SEM1: variants seen among roughly 807,000 people sequenced by gnomAD.
SEM1 encodes 26S proteasome complex subunit SEM1.
SEM1 carries 3 observed loss-of-function variants against 12.7 expected under a neutral mutation model. The observed-to-expected ratio is 0.24, with a 90% CI of 0.11 to 0.61. The LOEUF is 0.61. Ranked by LOEUF, SEM1 falls within the 20% of genes least tolerant of loss-of-function variation. SEM1 has a pLI of 0.88. For synonymous variants in SEM1, 30 were observed against 27.8 expected, an observed-to-expected ratio of 1.08 and a Z score of -0.25; for missense variants, 59 against 81.3, an observed-to-expected ratio of 0.73 and a Z score of 1.06.
intron 2 of SEM1, among the ~76,000 whole-genome samples, chr7:96,643,507 T>A (rs1267042824): frequency 3.3e-5 from 5 of 152,070 alleles, no homozygotes; most frequent in Non-Finnish European, 7.4e-5. Context: ...CATGCACACG[T>A]ATGTTTACTG....
intron 2 of SEM1, among the ~76,000 whole-genome samples, chr7:96,531,429 C>CA (rs57949407): frequency 0.094 from 13,676 of 146,252 alleles, 1,621 homozygotes; most frequent in African/African-American, 0.28. Context: ...AAAAAAACAA[C>CA]AAAAAAAAAC....
At chr7:96,509,320 T>C (rs943941122) in intron 2 of SEM1, among the ~76,000 whole-genome samples, 10 of 151,926 alleles carry the variant, frequency 6.6e-5, no homozygotes, top group African/African-American at 2.4e-4. Context: ...GACGCAATCT[T>C]TATTATCATC....
chr7:96,660,646 A>G (rs964553672), intron 2 of SEM1, among the ~76,000 whole-genome samples: 2 of 152,152 alleles, frequency 1.3e-5, no homozygotes, highest in Non-Finnish European at 2.9e-5. Flanking sequence ...ATTTCATCCA[A>G]TGATCTAGTG....
intron 1 of SEM1, among the ~76,000 whole-genome samples, chr7:96,486,869 T>A (rs1407377813): frequency 6.6e-6 from 1 of 152,086 alleles, no homozygotes. Context: ...ACACCAAATA[T>A]CCCAATGAAG....
chr7:96,483,747 T>A, exon 4 of SEM1: 3 of 1,373,574 alleles, frequency 2.2e-6, no homozygotes, highest in Non-Finnish European at 2.0e-6. Context: ...GAAGTATAGT[T>A]CTACCATGTG....
intron 2 of SEM1, among the ~76,000 whole-genome samples, chr7:96,605,953 C>A (rs1209609411): frequency 6.6e-6 from 1 of 152,170 alleles, no homozygotes; most frequent in Non-Finnish European, 1.5e-5. Flanking sequence ...GTACATGCTA[C>A]CCTTCCGCTA....
chr7:96,525,743 C>T (rs542917676), intron 2 of SEM1, among the ~76,000 whole-genome samples: 1 of 152,288 alleles, frequency 6.6e-6, no homozygotes, highest in African/African-American at 2.4e-5. Context: ...ACTGCCTGAG[C>T]TCTACCTCCT....
intron 2 of SEM1, among the ~76,000 whole-genome samples, chr7:96,541,944 CTTT>C (rs34050482): frequency 6.5e-5 from 6 of 92,414 alleles, no homozygotes; most frequent in South Asian, 4.0e-4. Context: ...GCCTATGTGT[CTTT>C]TTTTTTTTTT....
chr7:96,678,644 A>G (rs1789515946), intron 2 of SEM1, among the ~76,000 whole-genome samples: 1 of 152,118 alleles, frequency 6.6e-6, no homozygotes, highest in Non-Finnish European at 1.5e-5. Flanking sequence ...CCTCATACTC[A>G]CACCCTTTCC....
intron 2 of SEM1, among the ~76,000 whole-genome samples, chr7:96,564,269 T>C (rs984907490): frequency 4.6e-5 from 7 of 152,032 alleles, no homozygotes; most frequent in African/African-American, 1.7e-4. Flanking sequence ...ATCTTACGAT[T>C]TTATAAATCA....
At chr7:96,705,395 G>A (rs1790420150) in intron 1 of SEM1, among the ~76,000 whole-genome samples, 1 of 149,738 alleles carries the variant, frequency 6.7e-6, no homozygotes. Flanking sequence ...TTCTGGCACA[G>A]GAAGAGAATA....
chr7:96,645,987 C>G (rs1361540795), intron 2 of SEM1: 2 of 397,254 alleles, frequency 5.0e-6, no homozygotes, highest in East Asian at 7.1e-5. Flanking sequence ...TGTATAGTTT[C>G]TTTCATACAT....
intron 2 of SEM1, among the ~76,000 whole-genome samples, chr7:96,690,120 T>C (rs1223455064): frequency 6.6e-6 from 1 of 152,204 alleles, no homozygotes; most frequent in African/African-American, 2.4e-5. Flanking sequence ...CTTGAGGGAA[T>C]GTGGTAACTG....
At chr7:96,515,807 A>C (rs568536291) in intron 2 of SEM1, among the ~76,000 whole-genome samples, 1 of 152,126 alleles carries the variant, frequency 6.6e-6, no homozygotes, top group East Asian at 1.9e-4. Context: ...GTTCTCACTC[A>C]TAAGTAGGAG....
chr7:96,594,297 C>T (rs1459233421), intron 2 of SEM1, among the ~76,000 whole-genome samples: 4 of 152,104 alleles, frequency 2.6e-5, no homozygotes, highest in African/African-American at 7.2e-5. Flanking sequence ...TTTCCAAGAG[C>T]CATTTCTTCT....
At chr7:96,634,308 CTTCTAT>C (rs1230826546) in intron 2 of SEM1, among the ~76,000 whole-genome samples, 1 of 151,974 alleles carries the variant, frequency 6.6e-6, no homozygotes, top group Non-Finnish European at 1.5e-5. Flanking sequence ...GAGATGGAGT[CTTCTAT>C]TTCTGTTTTA....
chr7:96,601,360 G>A (rs760460029), intron 2 of SEM1, among the ~76,000 whole-genome samples: 1 of 152,132 alleles, frequency 6.6e-6, no homozygotes, highest in Non-Finnish European at 1.5e-5. Flanking sequence ...GGGGTAATAG[G>A]GGTTTAGAAG....
At chr7:96,486,061 G>GA (rs889035755) in intron 2 of SEM1, 11 of 645,336 alleles carry the variant, frequency 1.7e-5, no homozygotes, top group Non-Finnish European at 2.9e-5. Flanking sequence ...TGGAAGAAAG[G>GA]AAAATATCAC....
At chr7:96,519,810 G>A (rs1373251464) in intron 2 of SEM1, among the ~76,000 whole-genome samples, 1 of 152,108 alleles carries the variant, frequency 6.6e-6, no homozygotes, top group African/African-American at 2.4e-5. Context: ...GCAGGTAAGG[G>A]GGGTTATTCC....
Sources: allele counts gnomAD v4.1 joint callset (sites outside exome capture counted in the v4.1 genomes callset), GRCh38; gene constraint gnomAD v4.1.1; transcripts MANE v1.5; gene names NCBI Gene and HGNC (gene_info 2026-07-23, HGNC 2026-07-21).